MTFR1: variants seen among roughly 807,000 people sequenced by gnomAD.
MTFR1 encodes chondrocyte protein with a poly-proline region.
In MTFR1, 28 loss-of-function variants were observed where a neutral mutation model predicts 38.8. The ratio of observed to expected loss-of-function variants is 0.72; its 90% confidence interval spans 0.53 to 0.99. The LOEUF (loss-of-function observed/expected upper bound fraction) is 0.99, where lower values mean the gene tolerates loss of function less well. MTFR1 is among the 50% of genes least tolerant of loss of function. The pLI is 0.00. For missense variants in MTFR1, 358 were observed against 395.5 expected (o/e 0.91, Z 0.81); for synonymous variants, 145 against 137.0 (o/e 1.06, Z -0.41).
intron 4 of MTFR1, among the ~76,000 whole-genome samples, chr8:65,703,953 C>T (rs539529987): frequency 2.2e-4 from 33 of 152,016 alleles, no homozygotes; most frequent in African/African-American, 7.7e-4. Flanking sequence ...GTGGCTCATG[C>T]TTGTAATTCG....
intron 3 of MTFR1, among the ~76,000 whole-genome samples, chr8:65,730,423 A>C (rs971770890): frequency 6.6e-6 from 1 of 150,502 alleles, no homozygotes; most frequent in African/African-American, 2.4e-5. Context: ...CAGGTGATCC[A>C]CCTGCCTCAG....
chr8:65,670,778 C>T (rs1040593925), intron 2 of MTFR1, among the ~76,000 whole-genome samples: 18 of 150,742 alleles, frequency 1.2e-4, no homozygotes, highest in African/African-American at 4.2e-4. Context: ...AATCTCGGCT[C>T]ACTGCAACCT....
rs144568946 is a variant in MTFR1 at position 65,704,853 on chromosome 8, C to T, written c.441C>T (p.Leu147=). The change falls in exon 5 of 8, where the codon CTC becomes CTT. Residue 147 remains leucine (L), a synonymous_variant. Transcript: ENST00000262146. ...NEEALQKICA[L]ENELAALRAQ... Reference sequence around the variant, plus strand: ...AAGCACTGCAGAAGATTTGCGCTCTCGAAAATGAACTTGCTGCTCTCAGAG... The same window carrying T: ...AAGCACTGCAGAAGATTTGCGCTCTTGAAAATGAACTTGCTGCTCTCAGAG... 3.0e-5 allele frequency: 49 copies of T among 1,613,664 alleles called. No individual in the cohort carries two copies. The highest frequency in any genetic ancestry group is 3.5e-5 in the Non-Finnish European group (41 of 1,179,882).
intron 3 of MTFR1, among the ~76,000 whole-genome samples, chr8:65,740,538 G>C (rs1374128075): frequency 3.3e-5 from 5 of 151,962 alleles, no homozygotes; most frequent in African/African-American, 7.3e-5. Context: ...GTAGCAGGGA[G>C]TACAGGCACC....
intron 7 of MTFR1, chr8:65,708,261 G>A (rs1805845515): frequency 1.4e-6 from 1 of 699,446 alleles, no homozygotes; most frequent in African/African-American, 1.8e-5. Context: ...GAAACTTGTA[G>A]AAGAGCAGAA....
At chr8:65,681,671 GTTT>G (rs200580429) in intron 2 of MTFR1, among the ~76,000 whole-genome samples, 5 of 108,350 alleles carry the variant, frequency 4.6e-5, no homozygotes, top group Admixed American at 1.8e-4. Context: ...TGTTGTTTTT[GTTT>G]TTTTTTTTTT....
intron 3 of MTFR1, among the ~76,000 whole-genome samples, chr8:65,738,514 A>G (rs1807253376): frequency 6.6e-6 from 1 of 152,280 alleles, no homozygotes; most frequent in Non-Finnish European, 1.5e-5. Flanking sequence ...GCCTATTACA[A>G]GAAGGAAGAC....
Position 65,709,399 on chromosome 8 carries a change from G to GT in MTFR1, c.*359dup, listed in dbSNP as rs1217025617. 6 of 178,926 alleles carry GT rather than the reference G, an allele frequency of 3.4e-5. No individual in the cohort carries two copies. Among genetic ancestry groups the GT allele is most frequent in the African/African-American group, 1.4e-4 (6 of 42,634 alleles). The allele number at this position is 178,926 out of a possible 1,614,324, so 11.1% of individuals were successfully genotyped here. On this transcript the variant is annotated 3_prime_UTR_variant, in exon 8 of 8. Transcript: ENST00000262146. ...TTAACACTAATTTATCTGTATAAGT[G>GT]TTTTATATGCATATTTTTGGACATA...
At chr8:65,724,399 C>A in intron 3 of MTFR1, 1 of 1,248,362 alleles carries the variant, frequency 8.0e-7, no homozygotes, top group Non-Finnish European at 1.2e-6. Flanking sequence ...ACACACTTGA[C>A]AATAATACCA....
chr8:65,712,552 T>A (rs370095944), downstream of MTFR1, among the ~76,000 whole-genome samples: 1 of 152,250 alleles, frequency 6.6e-6, no homozygotes, highest in African/African-American at 2.4e-5. Context: ...ATAGCCATAG[T>A]AACCTTTGAT....
intron 3 of MTFR1, among the ~76,000 whole-genome samples, chr8:65,764,377 G>A (rs1022888698): frequency 6.6e-6 from 1 of 152,220 alleles, no homozygotes; most frequent in African/African-American, 2.4e-5. Context: ...TGGCAAACTC[G>A]AGTCTGAATG....
intron 1 of MTFR1, among the ~76,000 whole-genome samples, chr8:65,645,256 G>C (rs1808922427): frequency 6.6e-6 from 1 of 152,220 alleles, no homozygotes; most frequent in Admixed American, 6.5e-5. Context: ...TCCGGGAGGA[G>C]CAGTGCGCTG....
chr8:65,766,592 G>A (rs1307705067), intron 3 of MTFR1, among the ~76,000 whole-genome samples: 1 of 152,154 alleles, frequency 6.6e-6, no homozygotes, highest in Non-Finnish European at 1.5e-5. Context: ...ACCACTCTAT[G>A]GTCAGCCCAG....
At chr8:65,658,539 G>A (rs540571827) in intron 1 of MTFR1, among the ~76,000 whole-genome samples, 7 of 152,244 alleles carry the variant, frequency 4.6e-5, no homozygotes, top group Admixed American at 4.6e-4. Context: ...TGCTAGAGTA[G>A]AGTAGATAGT....
At chr8:65,644,168 C>A (rs1808886080), upstream of MTFR1, among the ~76,000 whole-genome samples, 1 of 152,184 alleles carries the variant, frequency 6.6e-6, no homozygotes, top group African/African-American at 2.4e-5. Flanking sequence ...GTATTCAAAT[C>A]TTTAGAAAGC....
downstream of MTFR1, among the ~76,000 whole-genome samples, chr8:65,776,171 A>G (rs1401254551): frequency 6.6e-6 from 1 of 152,160 alleles, no homozygotes; most frequent in Non-Finnish European, 1.5e-5. Flanking sequence ...AACAGGGTCC[A>G]AGATTCACTT....
chr8:65,693,145 G>A (rs1311125360), intron 3 of MTFR1, among the ~76,000 whole-genome samples: 1 of 152,108 alleles, frequency 6.6e-6, no homozygotes, highest in African/African-American at 2.4e-5. Context: ...GCTCACGTCT[G>A]TAATCCCAGC....
rs969137535 is a variant in MTFR1, at chr8:65,727,678, A to G, written c.*48+8197A>G. On this transcript the variant is annotated intron_variant, in intron 3 of 3. Coordinates refer to the MTFR1 transcript ENST00000521247. ...TTATTACTGTAGCCATTACTGAACA[A>G]AAGATCTAAAATTTTAAGGGTGTTT... 6.2e-5 allele frequency: 10 copies of G among 160,962 alleles called. No homozygotes were observed. The Admixed American group carries it at 6.3e-4, about 10-fold the overall frequency. 10.0% of individuals were successfully genotyped at this position (160,962 alleles called of 1,614,324 possible).
intron 1 of MTFR1, among the ~76,000 whole-genome samples, chr8:65,650,654 T>C (rs1809097741): frequency 6.6e-6 from 1 of 152,246 alleles, no homozygotes; most frequent in African/African-American, 2.4e-5. Context: ...GGCTGAATAG[T>C]ACTCCGCTAT....
Sources: gnomAD v4.1 joint callset for allele counts (sites outside exome capture counted in the v4.1 genomes callset) on GRCh38, gnomAD v4.1.1 for gene constraint, MANE v1.5 for transcripts, NCBI Gene and HGNC (gene_info 2026-07-23, HGNC 2026-07-21) for gene names.